The following ETS2 variants were observed in gnomAD, a reference collection of about 807,000 sequenced individuals.
The protein encoded by ETS2 is ETS proto-oncogene 2, transcription factor.
In ETS2, 19 loss-of-function variants were observed where a neutral mutation model predicts 54.9. That is an observed-to-expected ratio of 0.35 (90% CI 0.24 to 0.51). The LOEUF is 0.51. Among genes scored for constraint, ETS2 ranks in the 20% least tolerant of loss-of-function variants. The pLI, the probability that ETS2 is intolerant of heterozygous loss-of-function variation, is 0.97. For synonymous variants in ETS2, 219 were observed against 229.3 expected, an observed-to-expected ratio of 0.95 and a Z score of 0.41; for missense variants, 417 against 593.0, an observed-to-expected ratio of 0.70 and a Z score of 3.08.
chr21:38,814,683 A>G lies in ETS2; in HGVS notation c.305-98A>G. Reference sequence around the variant, plus strand: ...CTTGCTCATTCGTGGGTTCTGGTGTATGTCGGTACTTGGTGCATAAATTAG... The same window carrying G: ...CTTGCTCATTCGTGGGTTCTGGTGTGTGTCGGTACTTGGTGCATAAATTAG... On this transcript the variant is annotated intron_variant, in intron 4 of 9. Transcript: ENST00000360938. The surrounding 1 kb of genome is among the most constrained non-coding windows in gnomAD (Gnocchi z 4.2). 2 of 1,105,256 alleles carry G rather than the reference A, an allele frequency of 1.8e-6. No homozygotes were observed. The highest frequency in any genetic ancestry group is 1.8e-5 in the Admixed American group (1 of 54,132). 68.5% of individuals were successfully genotyped at this position (1,105,256 alleles called of 1,614,324 possible).
rs1017645591 is a variant in ETS2, at chr21:38,806,410, A to T, written c.-1+290A>T. ...GGGTCGCCTAGCGGCGGGCGCGGCC[A>T]GGGCGCGCTGGCTTGTTTCGCTCGC... On this transcript the variant is annotated intron_variant, in intron 1 of 9. Transcript: ENST00000360938. The surrounding 1 kb of genome is among the most constrained non-coding windows in gnomAD (Gnocchi z 4.3). 4 of 985,432 alleles carry T rather than the reference A, an allele frequency of 4.1e-6. No individual in the cohort carries two copies. The highest frequency in any genetic ancestry group is 4.8e-6 in the Non-Finnish European group (4 of 830,264). 61.0% of individuals were successfully genotyped at this position (985,432 alleles called of 1,614,324 possible). A position where few individuals can be genotyped will look rare whatever the true frequency, so the allele number is the denominator to read the frequency against.
chr21:38,814,385 T>C lies in ETS2; in HGVS notation c.297T>C (p.Ile99=), dbSNP rs751967681. 9.3e-6 allele frequency: 15 copies of C among 1,613,988 alleles called. No homozygotes were observed. In the South Asian group the frequency reaches 1.5e-4, roughly 17 times the overall value. The change falls in exon 4 of 10, where the codon ATT becomes ATC. Residue 99 remains isoleucine (I), a synonymous_variant. Coordinates refer to ENST00000360938, the MANE Select transcript of ETS2 (RefSeq NM_005239.6). The surrounding 1 kb of genome is among the most constrained non-coding windows in gnomAD (Gnocchi z 4.2). ...AAAAGGAACAGCGGCGCCTGGGCAT[T>C]CCAAAGAGTAAGTACTGCTTTCCTG... ...GFKKEQRRLG[I]PKNPWLWSEQ...
chr21:38,806,914 A>G lies in ETS2; in HGVS notation c.-1+794A>G. 1.2e-6 allele frequency: 1 copy of G among 839,630 alleles called. No homozygotes were observed. The highest frequency in any genetic ancestry group is 1.4e-6 in the Non-Finnish European group (1 of 696,942). 52.0% of individuals were successfully genotyped at this position (839,630 alleles called of 1,614,324 possible). ...GTTAGCCTGTACACAATTTCAGGGT[A>G]GCCTAAAACAGTAGTTGACGCGCTA... On this transcript the variant is annotated intron_variant, in intron 1 of 9. Transcript: ENST00000360938. The surrounding 1 kb of genome is among the most constrained non-coding windows in gnomAD (Gnocchi z 4.3).
chr21:38,808,086 G>A (rs1381953202), intron 1 of ETS2, among the ~76,000 whole-genome samples: 1 of 150,056 alleles, frequency 6.7e-6, no homozygotes, highest in African/African-American at 2.5e-5. Flanking sequence ...CGGCACAGAG[G>A]ACTGTGTGGA....
Position 38,806,070 on chromosome 21 carries a change from G to T in ETS2, c.-51G>T. On this transcript the variant is annotated 5_prime_UTR_variant, in exon 1 of 10. Transcript: ENST00000360938. This position sits in a 1 kb window ranked among gnomAD's most constrained non-coding sequence, Gnocchi z 4.3. ...CGGCGCGCACCGAGCAGCCGCGGGC[G>T]CCGAGCAGCCACCGTCCCGACCAAG... 1 of 1,160,840 alleles carries T rather than the reference G, an allele frequency of 8.6e-7. No individual in the cohort carries two copies. Among genetic ancestry groups the T allele is most frequent in the Non-Finnish European group, 1.1e-6 (1 of 932,248 alleles). 71.9% of individuals were successfully genotyped at this position (1,160,840 alleles called of 1,614,324 possible).
Position 38,806,827 on chromosome 21 carries a change from G to A in ETS2, c.-1+707G>A, listed in dbSNP as rs760272000. On this transcript the variant is annotated intron_variant, in intron 1 of 9. Transcript: ENST00000360938. The surrounding 1 kb of genome is among the most constrained non-coding windows in gnomAD (Gnocchi z 4.3). The stretch of plus-strand genomic sequence containing the variant: ...TGAAGAGGTAACTGAGTGTTTGCTT[G>A]TGTGTGTTTGGGTTGCGTGTGTGTT... 3 of 985,368 alleles carry A rather than the reference G, an allele frequency of 3.0e-6. No individual in the cohort carries two copies. Among genetic ancestry groups the A allele is most frequent in the Non-Finnish European group, 3.6e-6 (3 of 829,964 alleles). 61.0% of individuals were successfully genotyped at this position (985,368 alleles called of 1,614,324 possible).
chr21:38,805,897 T>C, upstream of ETS2: 1 of 1,223,754 alleles, frequency 8.2e-7, no homozygotes, highest in South Asian at 1.4e-5. This position sits in a 1 kb window ranked among gnomAD's most constrained non-coding sequence, Gnocchi z 5.2. Flanking sequence ...CTCCTCCCGC[T>C]CCTGAAGAGC....
At chr21:38,811,438 G>A (rs983127292) in intron 2 of ETS2, among the ~76,000 whole-genome samples, 2 of 152,130 alleles carry the variant, frequency 1.3e-5, no homozygotes, top group Admixed American at 1.3e-4. Flanking sequence ...CTTTTGTAAT[G>A]CGTCATTCAT....
In ETS2 at chr21:38,819,591, G is replaced by C. The variant is rs777681551; in HGVS notation, c.900G>C (p.Ser300=). 1 of 1,614,040 alleles carries C rather than the reference G, an allele frequency of 6.2e-7. No homozygotes were observed. Among genetic ancestry groups the C allele is most frequent in the Admixed American group, 1.7e-5 (1 of 60,008 alleles). The part of the protein sequence containing the change: ...DSLLQSWNSQ[S]SLLDVQRVPS... ...TCCTCCAGTCCTGGAACAGCCAGTC[G>C]TCCTTGCTGGATGTGCAACGGGTTC... Residue 300 remains serine (S), a synonymous_variant, in exon 8 of 10, where the codon TCG becomes TCC. Transcript: ENST00000360938.
upstream of ETS2, chr21:38,805,815 C>G (rs562904252): frequency 1.1e-5 from 10 of 918,362 alleles, no homozygotes; most frequent in South Asian, 5.2e-5. The surrounding 1 kb of genome is among the most constrained non-coding windows in gnomAD (Gnocchi z 5.2). Context: ...CCTCCCCTCT[C>G]TCTTCTCTCC....
At chr21:38,813,583 G>A (rs765486449) in intron 3 of ETS2, among the ~76,000 whole-genome samples, 1 of 152,096 alleles carries the variant, frequency 6.6e-6, no homozygotes, top group Non-Finnish European at 1.5e-5. Flanking sequence ...AGTTCTTCGT[G>A]TCATTGTTTA....
intron 5 of ETS2, among the ~76,000 whole-genome samples, chr21:38,816,143 T>TA (rs1003002271): frequency 6.8e-6 from 1 of 147,420 alleles, no homozygotes; most frequent in Non-Finnish European, 1.5e-5. Flanking sequence ...TTATTTAGGT[T>TA]AAAAAAATAT....
Position 38,822,927 on chromosome 21 carries a change from G to GGGGAA in ETS2, c.*39_*40insGGAAG. On this transcript the variant is annotated 3_prime_UTR_variant, in exon 10 of 10. Coordinates refer to ENST00000360938, the MANE Select transcript of ETS2 (RefSeq NM_005239.6). Reference sequence around the variant, plus strand: ...CACCCTGAGCCGGCCCCAGGCTCGTGGACTGAGTGGGAAGCCCATCCTGAC... The same window carrying GGGGAA: ...CACCCTGAGCCGGCCCCAGGCTCGTGGGGAAGACTGAGTGGGAAGCCCATCCTGAC... 6.8e-7 allele frequency: 1 copy of GGGGAA among 1,462,288 alleles called. No individual in the cohort carries two copies. Among genetic ancestry groups the GGGGAA allele is most frequent in the South Asian group, 1.4e-5 (1 of 73,280 alleles). 90.6% of individuals were successfully genotyped at this position (1,462,288 alleles called of 1,614,324 possible). A position where few individuals can be genotyped will look rare whatever the true frequency, so the allele number is the denominator to read the frequency against.
At chr21:38,813,168 G>A in intron 3 of ETS2, 54 bp downstream of exon 3, 3 of 1,098,620 alleles carry the variant, frequency 2.7e-6, no homozygotes, top group Non-Finnish European at 4.2e-6. Flanking sequence ...AAGTAGTTCA[G>A]TTAATAAAGA....
chr21:38,822,622 T>C, intron 9 of ETS2, 52 bp from the exon 10 acceptor site: 1 of 1,481,144 alleles, frequency 6.8e-7, no homozygotes, highest in Non-Finnish European at 9.3e-7. Flanking sequence ...TCATTCACTT[T>C]TTCTTCATTG....
In ETS2 at chr21:38,808,235, C is replaced by G. The variant is rs527809044; in HGVS notation, c.1-1800C>G. 3.3e-5 allele frequency among the ~76,000 whole-genome samples: 5 copies of G among 152,286 alleles called. No individual in the cohort carries two copies. The East Asian group carries it at 9.7e-4, about 29-fold the overall frequency. ...CGTTGCTTCACTGTATGACGTCTGC[C>G]TCTCAGGGATGCAGGAAGATTCAAT... On this transcript the variant is annotated intron_variant, in intron 1 of 9. Transcript: ENST00000360938.
chr21:38,823,400 A>G lies in ETS2; in HGVS notation c.*511A>G, dbSNP rs1177516593. On this transcript the variant is annotated 3_prime_UTR_variant, in exon 10 of 10. Transcript: ENST00000360938. ...GAATCCCTTAACAGTTGTATTTAAC[A>G]GAAATTGTATATTGTAATTTAAAAT... The G allele has an allele frequency of 6.5e-6, 1 of 152,720 alleles. No individual in the cohort carries two copies. Among genetic ancestry groups the G allele is most frequent in the African/African-American group, 2.4e-5 (1 of 41,466 alleles). The allele number at this position is 152,720 out of a possible 1,614,324, so 9.5% of individuals were successfully genotyped here.
chr21:38,805,582 G>C, upstream of ETS2: 1 of 1,273,786 alleles, frequency 7.9e-7, no homozygotes, highest in Non-Finnish European at 1.0e-6. This position sits in a 1 kb window ranked among gnomAD's most constrained non-coding sequence, Gnocchi z 5.2. Context: ...GCCGGCGAGG[G>C]ACCCAGCCGA....
intron 1 of ETS2, among the ~76,000 whole-genome samples, chr21:38,808,861 C>T (rs13048966): frequency 6.6e-6 from 1 of 152,236 alleles, no homozygotes. Flanking sequence ...CACCAGCCTT[C>T]AGTTCCATAG....
Sources: gnomAD v4.1 joint callset for allele counts (sites outside exome capture counted in the v4.1 genomes callset) on GRCh38, gnomAD v4.1.1 for gene constraint, Gnocchi (gnomAD v3.1) non-coding constraint, MANE v1.5 for transcripts, NCBI Gene and HGNC (gene_info 2026-07-23, HGNC 2026-07-21) for gene names.